Variants in RARA observed in about 807,000 individuals in gnomAD.
RARA encodes the protein PML-DDX5-RARA fusion.
Under a neutral mutation model 42.8 loss-of-function variants are expected in RARA, and 5 were observed. That is an observed-to-expected ratio of 0.12 (90% confidence interval 0.06 to 0.25). RARA has a LOEUF of 0.25. Ranked by LOEUF, RARA falls within the 10% of genes least tolerant of loss-of-function variation. RARA has a pLI of 1.00. For missense variants in RARA, 402 were observed against 628.7 expected (o/e 0.64, Z 3.86); for synonymous variants, 256 against 259.5 (o/e 0.99, Z 0.13).
chr17:40,354,796 G>A lies in RARA; in HGVS notation c.1012+290G>A, dbSNP rs978612599. Among the ~76,000 whole-genome samples the A allele has an allele frequency of 2.0e-5, 3 of 152,186 alleles. No homozygotes were observed. Among genetic ancestry groups the A allele is most frequent in the South Asian group, 4.1e-4 (2 of 4,832 alleles). Reference sequence around the variant, plus strand: ...GGTTGCTGAACTTCTCTGGGCCTCCGTTTCTGTACAGTGGGGGCGGTAACG... The same window carrying A: ...GGTTGCTGAACTTCTCTGGGCCTCCATTTCTGTACAGTGGGGGCGGTAACG... On this transcript the variant is annotated intron_variant, in intron 7 of 8. Transcript: ENST00000254066. The surrounding 1 kb of genome is among the most constrained non-coding windows in gnomAD (Gnocchi z 4.5).
At chr17:40,350,747 C>A (rs542699378) in intron 4 of RARA, among the ~76,000 whole-genome samples, 7 of 152,024 alleles carry the variant, frequency 4.6e-5, no homozygotes, top group African/African-American at 1.4e-4. Context: ...GCACGAAGAG[C>A]CCCAGACAGG....
Position 40,352,327 on chromosome 17 carries a change from C to G in RARA, c.631-4C>G. ...GAAGGCCCTCACTCTCCCTCCTCCC[C>G]CAGAACAACAGCTCAGAACAACGTG... On this transcript the variant is annotated splice_polypyrimidine_tract_variant and splice_region_variant and intron_variant, in intron 5 of 8. Coordinates refer to ENST00000254066, the MANE Select transcript of RARA (RefSeq NM_000964.4). This position sits in a 1 kb window ranked among gnomAD's most constrained non-coding sequence, Gnocchi z 4.9. 1 of 1,595,410 alleles carries G rather than the reference C, an allele frequency of 6.3e-7. No individual in the cohort carries two copies. Among genetic ancestry groups the G allele is most frequent in the African/African-American group, 1.3e-5 (1 of 74,666 alleles).
At chr17:40,324,978 C>T (rs753616988) in intron 1 of RARA, among the ~76,000 whole-genome samples, 4 of 152,140 alleles carry the variant, frequency 2.6e-5, no homozygotes, top group Non-Finnish European at 5.9e-5. Flanking sequence ...GCTGGCCGGG[C>T]GTGGTGGCTC....
At position 40,320,616 on chromosome 17, in the gene RARA, A is replaced by T. The variant is rs553211874; in HGVS notation, c.-362-10241A>T. Among the ~76,000 whole-genome samples, 81 of 152,230 alleles carry T rather than the reference A, an allele frequency of 5.3e-4. 1 individual carries two copies. The highest frequency in any genetic ancestry group is 1.8e-3 in the African/African-American group (73 of 41,524). On this transcript the variant is annotated intron_variant, in intron 1 of 8. Coordinates refer to ENST00000254066, the MANE Select transcript of RARA (RefSeq NM_000964.4). The surrounding 1 kb of genome is among the most constrained non-coding windows in gnomAD (Gnocchi z 4.1). The stretch of plus-strand genomic sequence containing the variant: ...TGCTCAGACTCCAGTCTCAGGTGGG[A>T]TGGTCCTCAGAACCGTGTGATGTGA...
intron 2 of RARA, among the ~76,000 whole-genome samples, chr17:40,346,007 G>A (rs983062674): frequency 6.6e-6 from 1 of 152,196 alleles, no homozygotes; most frequent in African/African-American, 2.4e-5. Context: ...GAGGTAGGGG[G>A]CAGGCTATGT....
chr17:40,334,972 C>G (rs1405129537), intron 2 of RARA, among the ~76,000 whole-genome samples: 1 of 152,188 alleles, frequency 6.6e-6, no homozygotes, highest in Non-Finnish European at 1.5e-5. Context: ...GCCCCCTAAA[C>G]TGGCCCCTGG....
Position 40,355,299 on chromosome 17 carries a change from T to C in RARA, c.1049T>C (p.Met350Thr). The change falls in exon 8 of 9, where the codon ATG becomes ACG. Residue 350 changes from methionine (M) to threonine (T), a missense_variant. Met to Thr is a moderately conservative substitution (Grantham distance 81, BLOSUM62 -1). Around this residue, in one of 5 missense-constraint regions of RARA, gnomAD observed 104 missense variants for 160.1 expected, o/e 0.65. Coordinates refer to ENST00000254066, the MANE Select transcript of RARA (RefSeq NM_000964.4). The surrounding 1 kb of genome is among the most constrained non-coding windows in gnomAD (Gnocchi z 4.1). ...QDLEQPDRVDMLQEPLLEALK... is the reference protein window; with the variant it reads ...QDLEQPDRVDTLQEPLLEALK... ...CTGGAGCAGCCGGACCGGGTGGACA[T>C]GCTGCAGGAGCCGCTGCTGGAGGCG... The C allele has an allele frequency of 6.2e-7, 1 of 1,600,040 alleles. No individual in the cohort carries two copies. The highest frequency in any genetic ancestry group is 8.5e-7 in the Non-Finnish European group (1 of 1,173,156).
At chr17:40,348,031 C>T (rs901692117) in intron 2 of RARA, 4 of 313,844 alleles carry the variant, frequency 1.3e-5, no homozygotes, top group African/African-American at 8.6e-5. Context: ...ACTCCCCAAG[C>T]ACAGTCACGG....
chr17:40,356,026 A>G lies in RARA; in HGVS notation c.1189A>G (p.Thr397Ala). The change falls in exon 9 of 9, where the codon ACG becomes GCG. Residue 397 changes from threonine to alanine, a missense_variant. Thr to Ala is a moderately conservative substitution (Grantham distance 58). Around this residue, in one of 5 missense-constraint regions of RARA, gnomAD observed 104 missense variants for 160.1 expected, o/e 0.65. Coordinates refer to ENST00000254066, the MANE Select transcript of RARA (RefSeq NM_000964.4). ...ISAKGAERVITLKMEIPGSMP... is the reference protein window; with the variant it reads ...ISAKGAERVIALKMEIPGSMP... ...TCCTGCAGGGGCTGAGCGGGTGATCACGCTGAAGATGGAGATCCCGGGCTC... is the reference window on the plus strand; with the variant it reads ...TCCTGCAGGGGCTGAGCGGGTGATCGCGCTGAAGATGGAGATCCCGGGCTC... The G allele has an allele frequency of 6.2e-7, 1 of 1,603,148 alleles. No individual in the cohort carries two copies. Among genetic ancestry groups the G allele is most frequent in the South Asian group, 1.1e-5 (1 of 89,286 alleles).
At chr17:40,342,930 A>G (rs763230001) in intron 2 of RARA, 23 of 1,550,574 alleles carry the variant, frequency 1.5e-5, no homozygotes, top group Non-Finnish European at 1.9e-5. Context: ...GGCTTCCACT[A>G]CTACTCGGGG....
At position 40,331,472 on chromosome 17, in the gene RARA, C is replaced by T. The variant is rs903770057; in HGVS notation, c.178+76C>T. On this transcript the variant is annotated intron_variant, in intron 2 of 8. Coordinates refer to ENST00000254066, the MANE Select transcript of RARA (RefSeq NM_000964.4). ...GGCCTCAGAGCTTGGGCTCTGGGCA[C>T]GTCTGTTCTGCTGTGAGTGGAAGGC... The T allele has an allele frequency of 1.3e-4, 196 of 1,485,710 alleles. No homozygotes were observed. The African/African-American group carries it at 2.2e-3, about 17-fold the overall frequency. The allele number at this position is 1,485,710 out of a possible 1,614,324, so 92.0% of individuals were successfully genotyped here.
chr17:40,312,685 G>A (rs998391338), intron 1 of RARA, among the ~76,000 whole-genome samples: 3 of 152,148 alleles, frequency 2.0e-5, no homozygotes, highest in African/African-American at 4.8e-5. Flanking sequence ...TAGATGGGCC[G>A]GGCTGGACTG....
intron 1 of RARA, among the ~76,000 whole-genome samples, chr17:40,329,437 G>A (rs1366685206): frequency 6.6e-6 from 1 of 152,114 alleles, no homozygotes; most frequent in Non-Finnish European, 1.5e-5. Context: ...CTCCCAAGTA[G>A]CTGGGATTAC....
intron 2 of RARA, chr17:40,347,958 G>A (rs1298539540): frequency 1.6e-4 from 32 of 195,702 alleles, no homozygotes; most frequent in Non-Finnish European, 1.6e-4. Flanking sequence ...CCTAACTCGG[G>A]GGGAGAACGG....
Position 40,357,183 on chromosome 17 carries a change from C to T in RARA, c.*957C>T, listed in dbSNP as rs767236403. ...CAGAGTTTTCCCAGACCTGGCTCCT[C>T]GGCAGAGCTGCCTCCCGTCAGGGCC... On this transcript the variant is annotated 3_prime_UTR_variant, in exon 9 of 9. Transcript: ENST00000254066. 8.4e-6 allele frequency: 2 copies of T among 237,622 alleles called. No homozygotes were observed. The highest frequency in any genetic ancestry group is 2.2e-5 in the African/African-American group (1 of 45,332). 14.7% of individuals were successfully genotyped at this position (237,622 alleles called of 1,614,324 possible).
rs572180886 is a variant in RARA at position 40,326,090 on chromosome 17, C to A, written c.-362-4767C>A. On this transcript the variant is annotated intron_variant, in intron 1 of 8. Coordinates refer to ENST00000254066, the MANE Select transcript of RARA (RefSeq NM_000964.4). This position sits in a 1 kb window ranked among gnomAD's most constrained non-coding sequence, Gnocchi z 5.2. Reference sequence around the variant, plus strand: ...TTTCCCCACATCCCTCTCCTCCATCCGAGGGAAGCAGACCCTGGGAAATGG... The same window carrying A: ...TTTCCCCACATCCCTCTCCTCCATCAGAGGGAAGCAGACCCTGGGAAATGG... Among the ~76,000 whole-genome samples, 129 of 152,332 alleles carry A rather than the reference C, an allele frequency of 8.5e-4. No individual in the cohort carries two copies. The Middle Eastern group carries it at 0.02, about 24-fold the overall frequency.
chr17:40,314,652 T>C (rs531617210), intron 1 of RARA, among the ~76,000 whole-genome samples: 13 of 151,744 alleles, frequency 8.6e-5, no homozygotes, highest in Middle Eastern at 6.8e-3. Flanking sequence ...AGGGGGCGCA[T>C]GTAACCATGG....
chr17:40,355,281 A>T lies in RARA; in HGVS notation c.1031A>T (p.Gln344Leu), dbSNP rs2143538389. Residue 344 changes from glutamine to leucine, a missense_variant, in exon 8 of 9, where the codon CAG becomes CTG. Physicochemically the swap from Gln to Leu is moderately radical, Grantham distance 113. Around this residue, in one of 5 missense-constraint regions of RARA, gnomAD observed 104 missense variants for 160.1 expected, o/e 0.65. Transcript: ENST00000254066. The surrounding 1 kb of genome is among the most constrained non-coding windows in gnomAD (Gnocchi z 4.1). Reference protein sequence around the residue: ...LICGDRQDLEQPDRVDMLQEP... With the variant: ...LICGDRQDLELPDRVDMLQEP... ...TCCTCAGACCGCCAGGACCTGGAGCAGCCGGACCGGGTGGACATGCTGCAG... is the reference window on the plus strand; with the variant it reads ...TCCTCAGACCGCCAGGACCTGGAGCTGCCGGACCGGGTGGACATGCTGCAG... 1 of 1,585,650 alleles carries T rather than the reference A, an allele frequency of 6.3e-7. No individual in the cohort carries two copies. Among genetic ancestry groups the T allele is most frequent in the Non-Finnish European group, 8.6e-7 (1 of 1,165,468 alleles).
rs2034543510 is a variant in RARA, at chr17:40,354,321, G to A, written c.827G>A (p.Arg276Gln). 1 of 1,614,110 alleles carries A rather than the reference G, an allele frequency of 6.2e-7. No homozygotes were observed. Among genetic ancestry groups the A allele is most frequent in the African/African-American group, 1.3e-5 (1 of 75,026 alleles). The change falls in exon 7 of 9, where the codon CGG (arginine) becomes CAG (glutamine). Residue 276 changes from arginine (R) to glutamine (Q), a missense_variant. Transcript: ENST00000254066. The surrounding 1 kb of genome is among the most constrained non-coding windows in gnomAD (Gnocchi z 4.5). ...ACCCAGATCCTGCGGATCTGCACGC[G>A]GTACACGCCCGAGCAGGACACCATG... is the stretch of plus-strand genomic sequence containing the variant. ...LDILILRICT[R>Q]YTPEQDTMTF... is the part of the protein sequence containing the mutation.
Sources: gnomAD v4.1 joint callset for allele counts (sites outside exome capture counted in the v4.1 genomes callset) on GRCh38, gnomAD v4.1.1 for gene constraint, gnomAD v4.1.1 regional missense constraint, Gnocchi (gnomAD v3.1) non-coding constraint, MANE v1.5 for transcripts, NCBI Gene and HGNC (gene_info 2026-07-23, HGNC 2026-07-21) for gene names.